Variants in WNK2 observed in about 807,000 individuals in gnomAD.
The protein encoded by WNK2 is serine/threonine-protein kinase WNK2.
WNK2 carries 67 observed loss-of-function variants against 192.1 expected under a neutral mutation model. The observed-to-expected ratio is 0.35, with a 90% CI of 0.29 to 0.43. The LOEUF (loss-of-function observed/expected upper bound fraction) is 0.43, where lower values mean the gene tolerates loss of function less well. Among genes scored for constraint, WNK2 ranks in the 20% least tolerant of loss-of-function variants. WNK2 has a pLI of 1.00. For synonymous variants in WNK2, 1,439 were observed against 1,393.9 expected, an observed-to-expected ratio of 1.03 and a Z score of -0.72; for missense variants, 2,698 against 3,089.7, an observed-to-expected ratio of 0.87 and a Z score of 3.01.
chr9:93,312,701 T>C (rs1204590696), intron 28 of WNK2, among the ~76,000 whole-genome samples: 1 of 152,220 alleles, frequency 6.6e-6, no homozygotes, highest in African/African-American at 2.4e-5. Flanking sequence ...TTTTCTGGTA[T>C]GTGCATATCC....
At chr9:93,272,917 G>T (rs1846226969) in intron 19 of WNK2, among the ~76,000 whole-genome samples, 2 of 152,032 alleles carry the variant, frequency 1.3e-5, no homozygotes, top group African/African-American at 2.4e-5. Context: ...ATTAAAAAAT[G>T]ATTATGAGAA....
intron 2 of WNK2, among the ~76,000 whole-genome samples, chr9:93,224,157 T>C (rs2131868310): frequency 6.6e-6 from 1 of 152,224 alleles, no homozygotes; most frequent in South Asian, 2.1e-4. Flanking sequence ...GCCTCACTGG[T>C]TCTGGGCACT....
chr9:93,296,947 G>T, intron 23 of WNK2, among the ~76,000 whole-genome samples: 1 of 70,296 alleles, frequency 1.4e-5, no homozygotes, highest in East Asian at 4.5e-4. Context: ...CCTCCCCTCT[G>T]TTTCCTCCCC....
Position 93,229,687 on chromosome 9 carries a change from G to T in WNK2, c.682-9G>T, listed in dbSNP as rs1481347012. On this transcript the variant is annotated splice_polypyrimidine_tract_variant and intron_variant, in intron 2 of 29. Transcript: ENST00000427277. The surrounding 1 kb of genome is among the most constrained non-coding windows in gnomAD (Gnocchi z 4.9). ...CTCTTGCCCACTTAGCATGTCTCTT[G>T]CCCTGTAGGACCGGAAGCTCACCAA... The T allele has an allele frequency of 6.2e-7, 1 of 1,611,660 alleles. No individual in the cohort carries two copies.
chr9:93,283,857 C>T (rs968402165), intron 19 of WNK2, among the ~76,000 whole-genome samples: 3 of 152,110 alleles, frequency 2.0e-5, no homozygotes, highest in Admixed American at 2.0e-4. Context: ...GACAGTTGTT[C>T]CCAAGAGGAA....
In WNK2 at chr9:93,308,536, A is replaced by G; in HGVS notation, c.6468A>G (p.Gln2156=). The G allele has an allele frequency of 6.2e-7, 1 of 1,603,632 alleles. No individual in the cohort carries two copies. The highest frequency in any genetic ancestry group is 8.5e-7 in the Non-Finnish European group (1 of 1,175,818). ...LNQLKQTQKL[Q]DMEAQAGWAA... is the part of the protein sequence containing the mutation. ...AGCTGAAGCAGACCCAGAAGCTGCA[A>G]GACATGGAGGCCCAGGCAGGCTGGG... Residue 2156 remains glutamine, a synonymous_variant, in exon 28 of 30, where the codon CAA becomes CAG. Transcript: ENST00000427277.
intron 2 of WNK2, among the ~76,000 whole-genome samples, chr9:93,190,092 G>A (rs1830057439): frequency 6.6e-6 from 1 of 152,206 alleles, no homozygotes; most frequent in Non-Finnish European, 1.5e-5. Context: ...CACTGAATTT[G>A]CTTTCCTGGG....
In WNK2 at chr9:93,262,015, C is replaced by T. The variant is rs1564117010; in HGVS notation, c.3268C>T (p.Leu1090Phe). The change falls in exon 13 of 30, where the codon CTT becomes TTT. Residue 1090 changes from leucine to phenylalanine, a missense_variant. Leu to Phe is a conservative substitution (Grantham distance 22, BLOSUM62 0). This residue lies in a region of WNK2 where 893 missense variants were observed against 909.0 expected (regional missense o/e 0.98). Transcript: ENST00000427277. ...GAGTGTGCCCACCCAGACTGCCACA[C>T]TTCTGCCACCAGCAAACCCACCGCT... Reference protein sequence around the residue: ...VQSVPTQTATLLPPANPPLPG... With the variant: ...VQSVPTQTATFLPPANPPLPG... 5.6e-6 allele frequency: 9 copies of T among 1,611,780 alleles called. No homozygotes were observed. Among genetic ancestry groups the T allele is most frequent in the Non-Finnish European group, 7.6e-6 (9 of 1,179,326 alleles).
chr9:93,198,985 G>A (rs962367957), intron 2 of WNK2, among the ~76,000 whole-genome samples: 5 of 152,200 alleles, frequency 3.3e-5, no homozygotes, highest in African/African-American at 4.8e-5. Flanking sequence ...TCGCTGGCTC[G>A]GTTCGGGGTG....
At chr9:93,295,799 G>A in intron 23 of WNK2, among the ~76,000 whole-genome samples, 1 of 110,550 alleles carries the variant, frequency 9.0e-6, no homozygotes, top group African/African-American at 3.6e-5. Flanking sequence ...TGTCTCTCCA[G>A]CTTCCCCTCA....
chr9:93,276,276 C>G (rs1479214266), intron 19 of WNK2, among the ~76,000 whole-genome samples: 1 of 152,088 alleles, frequency 6.6e-6, no homozygotes, highest in African/African-American at 2.4e-5. Context: ...AGAATGAGCC[C>G]AGAAATAGAC....
rs529029769 is a variant in WNK2, at chr9:93,185,874, T to A, written c.681+264T>A. Among the ~76,000 whole-genome samples the A allele has an allele frequency of 3.3e-5, 5 of 152,308 alleles. No homozygotes were observed. In the East Asian group the frequency reaches 9.7e-4, roughly 29 times the overall value. ...GCCTCTGTTGTGCGTTTGGTGTAAGTGTGCACGCTGTGGGCGTAGAGAGGG... is the reference window on the plus strand; with the variant it reads ...GCCTCTGTTGTGCGTTTGGTGTAAGAGTGCACGCTGTGGGCGTAGAGAGGG... On this transcript the variant is annotated intron_variant, in intron 2 of 29. Transcript: ENST00000427277.
At chr9:93,224,155 G>A (rs901931962) in intron 2 of WNK2, among the ~76,000 whole-genome samples, 9 of 152,352 alleles carry the variant, frequency 5.9e-5, no homozygotes, top group Non-Finnish European at 1.3e-4. Context: ...CAGCCTCACT[G>A]GTTCTGGGCA....
intron 2 of WNK2, among the ~76,000 whole-genome samples, chr9:93,199,569 C>G (rs780683688): frequency 1.3e-5 from 2 of 152,152 alleles, no homozygotes; most frequent in African/African-American, 4.8e-5. Flanking sequence ...GTTCGAGCAG[C>G]GTAGTGAATT....
intron 4 of WNK2, among the ~76,000 whole-genome samples, 161 bp downstream of exon 4, chr9:93,231,269 C>T (rs139620328): frequency 1.3e-5 from 2 of 152,310 alleles, no homozygotes; most frequent in East Asian, 1.9e-4. Flanking sequence ...GGCTACCCCA[C>T]CAAGCCTTTT....
chr9:93,256,308 C>A lies in WNK2; in HGVS notation c.2044C>A (p.Pro682Thr). The A allele has an allele frequency of 1.3e-6, 2 of 1,563,696 alleles. No individual in the cohort carries two copies. Among genetic ancestry groups the A allele is most frequent in the South Asian group, 1.2e-5 (1 of 84,810 alleles). The change falls in exon 10 of 30, where the codon CCG becomes ACG. Residue 682 changes from proline to threonine, a missense_variant. Pro to Thr is a conservative substitution (Grantham distance 38, BLOSUM62 -1). This residue lies in a region of WNK2 where 893 missense variants were observed against 909.0 expected (regional missense o/e 0.98). Transcript: ENST00000427277. ...YQQPTAAPGLPVGSVPAPACP... is the reference protein window; with the variant it reads ...YQQPTAAPGLTVGSVPAPACP... ...CTGGTGCTCTCTGCAGCCTGGCTTG[C>A]CGGTGGGCTCTGTCCCGGCCCCCGC...
chr9:93,317,961 G>A (rs369158903), intron 29 of WNK2: 73 of 1,612,238 alleles, frequency 4.5e-5, no homozygotes, highest in East Asian at 3.1e-4. Flanking sequence ...GCACTCAGCC[G>A]CGAGGGGGAC....
chr9:93,211,299 C>CACACACTCGCACATTT (rs1563998135), intron 2 of WNK2, among the ~76,000 whole-genome samples: 26 of 151,220 alleles, frequency 1.7e-4, no homozygotes, highest in South Asian at 6.3e-4. Flanking sequence ...TACACTCAGT[C>CACACACTCGCACATTT]ACTCATTCAC....
chr9:93,194,857 T>G (rs1411032272), intron 2 of WNK2, among the ~76,000 whole-genome samples: 1 of 152,132 alleles, frequency 6.6e-6, no homozygotes, highest in Non-Finnish European at 1.5e-5. Flanking sequence ...ATGCAGACAA[T>G]GCAATCTTAT....
Sources: gnomAD v4.1 joint callset for allele counts (sites outside exome capture counted in the v4.1 genomes callset) on GRCh38, gnomAD v4.1.1 for gene constraint, gnomAD v4.1.1 regional missense constraint, Gnocchi (gnomAD v3.1) non-coding constraint, MANE v1.5 for transcripts, NCBI Gene and HGNC (gene_info 2026-07-23, HGNC 2026-07-21) for gene names.